Variants in CTNNA3 observed in about 807,000 individuals in gnomAD.
CTNNA3 encodes the protein catenin alpha-3.
A neutral mutation model predicts 95.7 loss-of-function variants in CTNNA3; 76 were observed. That is an observed-to-expected ratio of 0.79 (90% CI 0.66 to 0.96). CTNNA3 has a LOEUF of 0.96. Among genes scored for constraint, CTNNA3 ranks in the 40% least tolerant of loss-of-function variants. The pLI, the probability that CTNNA3 is intolerant of heterozygous loss-of-function variation, is 0.00. For missense variants in CTNNA3, 1,191 were observed against 1,089.8 expected, an observed-to-expected ratio of 1.09 and a Z score of -1.31; for synonymous variants, 431 against 374.4, an observed-to-expected ratio of 1.15 and a Z score of -1.74.
chr10:66,074,686 CT>C (rs1051923057), intron 14 of CTNNA3, among the ~76,000 whole-genome samples: 2 of 151,936 alleles, frequency 1.3e-5, no homozygotes, highest in East Asian at 1.9e-4. Flanking sequence ...GTTCTTCCCC[CT>C]AGATGTTCAT....
chr10:65,950,700 C>A (rs1319678224), intron 17 of CTNNA3, among the ~76,000 whole-genome samples: 2 of 152,250 alleles, frequency 1.3e-5, no homozygotes, highest in Middle Eastern at 3.4e-3. Context: ...TACTCCAGAA[C>A]AGAAATAATT....
intron 1 of CTNNA3, among the ~76,000 whole-genome samples, chr10:67,703,867 C>A (rs1170847914): frequency 6.6e-6 from 1 of 152,140 alleles, no homozygotes. Flanking sequence ...GATTGTATAT[C>A]TAGAAAACCC....
At chr10:67,339,750 T>C (rs941988811) in intron 5 of CTNNA3, among the ~76,000 whole-genome samples, 9 of 152,220 alleles carry the variant, frequency 5.9e-5, no homozygotes, top group Admixed American at 2.0e-4. Context: ...TGAGTGCTCT[T>C]ACAGTGAAAA....
chr10:67,175,110 C>G (rs111867198), intron 7 of CTNNA3, among the ~76,000 whole-genome samples: 3 of 124 alleles, frequency 0.024, no homozygotes, highest in Admixed American at 0.12. Flanking sequence ...GGAGGAAGGG[C>G]AAGAAGGAAG....
chr10:66,838,664 A>T (rs1470307767), intron 7 of CTNNA3, among the ~76,000 whole-genome samples: 1 of 152,142 alleles, frequency 6.6e-6, no homozygotes, highest in Non-Finnish European at 1.5e-5. Flanking sequence ...ACGGTTCTCT[A>T]GGAGAGGAAA....
chr10:66,753,910 C>T (rs748615305), intron 9 of CTNNA3, among the ~76,000 whole-genome samples: 1 of 151,864 alleles, frequency 6.6e-6, no homozygotes, highest in Non-Finnish European at 1.5e-5. Context: ...AAAGACAACT[C>T]GTGTTCATGG....
At chr10:66,692,446 G>A (rs1847584912) in intron 9 of CTNNA3, among the ~76,000 whole-genome samples, 1 of 152,158 alleles carries the variant, frequency 6.6e-6, no homozygotes, top group Non-Finnish European at 1.5e-5. Flanking sequence ...AAGCCTCCAA[G>A]AAATATGGGA....
At chr10:66,057,750 A>T (rs2080115639) in intron 15 of CTNNA3, among the ~76,000 whole-genome samples, 1 of 152,204 alleles carries the variant, frequency 6.6e-6, no homozygotes. Flanking sequence ...AGCAAAAAAT[A>T]ATTTTTCCTT....
intron 11 of CTNNA3, among the ~76,000 whole-genome samples, chr10:66,484,516 G>A (rs1211200170): frequency 6.6e-6 from 1 of 151,958 alleles, no homozygotes; most frequent in Non-Finnish European, 1.5e-5. Flanking sequence ...TCCCTTCTGA[G>A]AAGCAATATG....
At chr10:66,610,803 A>G (rs908024667) in intron 10 of CTNNA3, among the ~76,000 whole-genome samples, 1 of 152,088 alleles carries the variant, frequency 6.6e-6, no homozygotes, top group Non-Finnish European at 1.5e-5. Flanking sequence ...AAGGAAATCA[A>G]TATGTTAAAG....
intron 12 of CTNNA3, among the ~76,000 whole-genome samples, chr10:66,377,631 C>CTGA (rs2092805303): frequency 6.6e-6 from 1 of 151,422 alleles, no homozygotes; most frequent in African/African-American, 2.4e-5. Flanking sequence ...TAACCAATTC[C>CTGA]TGATAGGAAA....
intron 7 of CTNNA3, among the ~76,000 whole-genome samples, chr10:67,101,298 C>T (rs1362708245): frequency 6.6e-6 from 1 of 151,698 alleles, no homozygotes; most frequent in Non-Finnish European, 1.5e-5. Context: ...CAGGGTTGAA[C>T]ACATGTTCAA....
chr10:66,359,584 A>T (rs900132978), intron 12 of CTNNA3, among the ~76,000 whole-genome samples: 1 of 152,194 alleles, frequency 6.6e-6, no homozygotes, highest in Non-Finnish European at 1.5e-5. Flanking sequence ...GGATTAAATC[A>T]TTCCCAGACA....
At chr10:66,216,680 G>A (rs1314416756) in intron 13 of CTNNA3, among the ~76,000 whole-genome samples, 1 of 152,168 alleles carries the variant, frequency 6.6e-6, no homozygotes, top group African/African-American at 2.4e-5. Flanking sequence ...CTGACTTGAG[G>A]AGCCATTTTT....
chr10:66,653,250 T>C (rs1456225672), intron 9 of CTNNA3, among the ~76,000 whole-genome samples: 1 of 152,026 alleles, frequency 6.6e-6, no homozygotes, highest in East Asian at 1.9e-4. Context: ...TTAAAACTGA[T>C]ACATTCAGAA....
chr10:67,252,582 T>G (rs1866154215), intron 5 of CTNNA3, among the ~76,000 whole-genome samples: 1 of 152,228 alleles, frequency 6.6e-6, no homozygotes, highest in African/African-American at 2.4e-5. Context: ...CATACTGTAC[T>G]CACCCTTCTT....
intron 12 of CTNNA3, among the ~76,000 whole-genome samples, chr10:66,360,431 C>G (rs2092645286): frequency 6.6e-6 from 1 of 152,020 alleles, no homozygotes; most frequent in African/African-American, 2.4e-5. Context: ...CATTACTGAA[C>G]AAAAACCCAG....
Position 66,775,493 on chromosome 10 carries a change from T to A in CTNNA3, c.1079A>T (p.Asn360Ile), listed in dbSNP as rs1589241393. 1 of 1,611,838 alleles carries A rather than the reference T, an allele frequency of 6.2e-7. No individual in the cohort carries two copies. The highest frequency in any genetic ancestry group is 1.7e-5 in the Admixed American group (1 of 59,714). The stretch of plus-strand genomic sequence containing the variant: ...CTTACACATGTTGTCTAAAGCAATA[T>A]TCAGGGTATTACTCCTTTCTTTTTT... The part of the protein sequence containing the change: ...AGKKERSNTL[N>I]IALDNMCKKT... Residue 360 changes from asparagine to isoleucine, a missense_variant, in exon 8 of 18, where the codon AAT (asparagine) becomes ATT (isoleucine). Asn to Ile is a moderately radical substitution (Grantham distance 149, BLOSUM62 -3). Coordinates refer to ENST00000433211, the MANE Select transcript of CTNNA3 (RefSeq NM_013266.4).
intron 7 of CTNNA3, among the ~76,000 whole-genome samples, chr10:66,874,773 T>C (rs750766788): frequency 7.2e-5 from 11 of 152,226 alleles, no homozygotes; most frequent in Non-Finnish European, 1.3e-4. Flanking sequence ...CAAGGTTCTG[T>C]CTCTTAAAAA....
Sources: allele counts gnomAD v4.1 joint callset (sites outside exome capture counted in the v4.1 genomes callset), GRCh38; gene constraint gnomAD v4.1.1; transcripts MANE v1.5; gene names NCBI Gene and HGNC (gene_info 2026-07-23, HGNC 2026-07-21).